FRMD7: variants seen among roughly 807,000 people sequenced by gnomAD.
FRMD7 encodes the protein FERM domain containing 7, also known as FERM domain-containing protein 7.
A neutral mutation model predicts 44.1 loss-of-function variants in FRMD7; 14 were observed. That is an observed-to-expected ratio of 0.32 (90% confidence interval 0.21 to 0.50). FRMD7 has a LOEUF of 0.50. FRMD7 is among the 20% of genes least tolerant of loss of function. The pLI, the probability that FRMD7 is intolerant of heterozygous loss-of-function variation, is 0.99. For synonymous variants in FRMD7, 212 were observed against 187.4 expected, an observed-to-expected ratio of 1.13 and a Z score of -1.07; for missense variants, 501 against 522.3, an observed-to-expected ratio of 0.96 and a Z score of 0.40.
At chrX:132,113,215 C>A (rs113590646) in intron 1 of FRMD7, among the ~76,000 whole-genome samples, 1 of 112,109 alleles carries the variant, frequency 8.9e-6, no homozygotes, top group African/African-American at 3.2e-5. Flanking sequence ...CTCCACATAA[C>A]ACTTTAACAT....
rs1927846660 is a variant in FRMD7 at position 132,082,377 on chromosome X, G to A, written c.891C>T (p.Ser297=). 1 of 1,209,780 alleles carries A rather than the reference G, an allele frequency of 8.3e-7. No individual in the cohort carries two copies. Among genetic ancestry groups the A allele is most frequent in the Non-Finnish European group, 1.1e-6 (1 of 893,724 alleles). The part of the protein sequence containing the change: ...KPKTLLCSKG[S]SFRYSGRTQR... ...TGTTTAATTACCTATAGCGGAAACTGGAACCCTTGCTGCAGAGTAGGGTTT... is the reference window on the plus strand; with the variant it reads ...TGTTTAATTACCTATAGCGGAAACTAGAACCCTTGCTGCAGAGTAGGGTTT... Residue 297 remains serine (S), a synonymous_variant, in exon 9 of 12, where the codon TCC becomes TCT. Transcript: ENST00000298542.
intron 1 of FRMD7, among the ~76,000 whole-genome samples, chrX:132,106,973 A>T (rs1027246734): frequency 4.5e-5 from 5 of 111,597 alleles, no homozygotes; most frequent in African/African-American, 1.6e-4. Context: ...AAATCCCTTG[A>T]CACAAATTTA....
chrX:132,113,861 C>G (rs1247032906), intron 1 of FRMD7, among the ~76,000 whole-genome samples: 1 of 111,113 alleles, frequency 9.0e-6, no homozygotes, highest in African/African-American at 3.3e-5. Context: ...GTTGTGCTAT[C>G]AAATAGCAGG....
intron 5 of FRMD7, among the ~76,000 whole-genome samples, chrX:132,093,057 A>G (rs1439638873): frequency 9.0e-6 from 1 of 111,400 alleles, no homozygotes; most frequent in Admixed American, 9.5e-5. Context: ...CACCTTCTCC[A>G]ACAGCCTTCC....
At chrX:132,087,506 A>G (rs912570946) in intron 5 of FRMD7, among the ~76,000 whole-genome samples, 1 of 111,809 alleles carries the variant, frequency 8.9e-6, no homozygotes, top group African/African-American at 3.3e-5. Context: ...AACATTTTTT[A>G]AAAGACCAAA....
chrX:132,116,056 A>G (rs936804305), intron 1 of FRMD7, among the ~76,000 whole-genome samples: 3 of 111,529 alleles, frequency 2.7e-5, no homozygotes, highest in Non-Finnish European at 5.7e-5. Context: ...AACACATGAA[A>G]TGTTTGCACC....
chrX:132,113,255 C>T (rs1397680682), intron 1 of FRMD7, among the ~76,000 whole-genome samples: 1 of 111,873 alleles, frequency 8.9e-6, no homozygotes. Context: ...TGATACACAA[C>T]CAAATTCTAA....
intron 1 of FRMD7, among the ~76,000 whole-genome samples, chrX:132,126,198 A>G (rs1419043988): frequency 9.0e-6 from 1 of 111,418 alleles, no homozygotes; most frequent in East Asian, 2.8e-4. Context: ...CTCTGGACAA[A>G]GCCACTCACA....
In FRMD7 at chrX:132,109,420, G is replaced by T. The variant is rs151197914; in HGVS notation, c.58-8704C>A. Among the ~76,000 whole-genome samples, 245 of 111,460 alleles carry T rather than the reference G, an allele frequency of 2.2e-3. 1 individual carries two copies. The highest frequency in any genetic ancestry group is 7.6e-3 in the African/African-American group (234 of 30,664). ...GTAATTTTTATCTGCCCAAACTCTG[G>T]GCTTAATTTTCATGTGCCTGCCCTT... On this transcript the variant is annotated intron_variant, in intron 1 of 11. Coordinates refer to ENST00000298542, the MANE Select transcript of FRMD7 (RefSeq NM_194277.3).
chrX:132,114,828 C>T (rs1465679756), intron 1 of FRMD7, among the ~76,000 whole-genome samples: 1 of 112,424 alleles, frequency 8.9e-6, no homozygotes, highest in Non-Finnish European at 1.9e-5. Flanking sequence ...CAAGCTCCAC[C>T]TTTGCAGCAG....
Position 132,078,589 on chromosome X carries a change from C to T in FRMD7, c.1428G>A (p.Thr476=). 4 of 1,211,287 alleles carry T rather than the reference C, an allele frequency of 3.3e-6. No homozygotes were observed. The highest frequency in any genetic ancestry group is 3.0e-5 in the East Asian group (1 of 33,838). The stretch of plus-strand genomic sequence containing the variant: ...CTGTACAAGGAATATAGGGCACATC[C>T]GTGTAAGTTAGCTGCTTTGCTGGAC... The part of the protein sequence containing the change: ...KVRPAKQLTY[T]DVPYIPCTGQ... The change falls in exon 12 of 12, where the codon ACG becomes ACA. Residue 476 remains threonine (T), a synonymous_variant. Transcript: ENST00000298542.
chrX:132,088,807 C>T (rs1462076948), intron 5 of FRMD7, among the ~76,000 whole-genome samples: 1 of 111,474 alleles, frequency 9.0e-6, no homozygotes, highest in Non-Finnish European at 1.9e-5. Context: ...GGCTTACACA[C>T]TGAAAAGTAC....
intron 11 of FRMD7, 48 bp downstream of exon 11, chrX:132,079,958 G>T: frequency 1.2e-6 from 1 of 850,271 alleles, no homozygotes; most frequent in Non-Finnish European, 1.8e-6. Context: ...TTTGAAATTT[G>T]CACAAATTAC....
intron 1 of FRMD7, among the ~76,000 whole-genome samples, chrX:132,116,004 C>T (rs1928888402): frequency 9.0e-6 from 1 of 111,506 alleles, no homozygotes; most frequent in African/African-American, 3.3e-5. Flanking sequence ...CACACAGTTT[C>T]ACATGTGTGC....
Position 132,114,153 on chromosome X carries a change from ATGT to A in FRMD7, c.58-13440_58-13438del, listed in dbSNP as rs1378257788. 3.6e-5 allele frequency among the ~76,000 whole-genome samples: 4 copies of A among 111,010 alleles called. No homozygotes were observed. The Admixed American group carries it at 3.9e-4, about 11-fold the overall frequency. On this transcript the variant is annotated intron_variant, in intron 1 of 11. Coordinates refer to ENST00000298542, the MANE Select transcript of FRMD7 (RefSeq NM_194277.3). ...ACTCCATTTAGAAACAGTGCTCACT[ATGT>A]TGCCCAGCAGGGCTGTGAGCAGGTT...
intron 5 of FRMD7, among the ~76,000 whole-genome samples, chrX:132,091,704 A>T (rs1239049207): frequency 5.6e-5 from 6 of 107,030 alleles, no homozygotes; most frequent in Admixed American, 1.0e-4. Flanking sequence ...GTGTGGTGGC[A>T]TGTGCCTGTA....
chrX:132,115,510 A>T (rs1204039320), intron 1 of FRMD7, among the ~76,000 whole-genome samples: 3 of 112,316 alleles, frequency 2.7e-5, no homozygotes, highest in Non-Finnish European at 3.8e-5. Flanking sequence ...TAAATGTAAA[A>T]TTGTGGGAAA....
At chrX:132,089,831 C>T (rs921710755) in intron 5 of FRMD7, among the ~76,000 whole-genome samples, 9 of 111,587 alleles carry the variant, frequency 8.1e-5, no homozygotes, top group Middle Eastern at 4.6e-3. Flanking sequence ...TATACAATAC[C>T]AAGTGTTAGT....
At chrX:132,080,299 T>A in intron 9 of FRMD7, 33 bp from the exon 10 acceptor site, 1 of 1,003,397 alleles carries the variant, frequency 1.0e-6, no homozygotes, top group East Asian at 3.0e-5. Context: ...TCCTTAGTTC[T>A]AGCCATAAAC....
Sources: gnomAD v4.1 joint callset for allele counts (sites outside exome capture counted in the v4.1 genomes callset) on GRCh38, gnomAD v4.1.1 for gene constraint, MANE v1.5 for transcripts, NCBI Gene and HGNC (gene_info 2026-07-23, HGNC 2026-07-21) for gene names.